Variants in EWSR1 observed in about 807,000 individuals in gnomAD.
EWSR1 encodes RNA-binding protein EWS.
Under a neutral mutation model 92.1 loss-of-function variants are expected in EWSR1, and 14 were observed. The observed-to-expected ratio is 0.15, with a 90% CI of 0.10 to 0.24. The LOEUF is 0.24. EWSR1 is among the 10% of genes least tolerant of loss of function. The pLI, the probability that EWSR1 is intolerant of heterozygous loss-of-function variation, is 1.00. For synonymous variants in EWSR1, 303 were observed against 292.9 expected (o/e 1.03, Z -0.35); for missense variants, 637 against 870.9 (o/e 0.73, Z 3.38).
chr22:29,293,958 ACCTCTGCCTCCCGGGTCTCCTTG>A (rs990653306), intron 11 of EWSR1, among the ~76,000 whole-genome samples: 60 of 150,782 alleles, frequency 4.0e-4, no homozygotes, highest in African/African-American at 1.3e-3. Context: ...GTTTACTGTA[ACCTCTGCCTCCCGGGTCTCCTTG>A]CCTCAGCCTC....
chr22:29,298,585 G>C (rs1303343357), intron 13 of EWSR1, 148 bp from the exon 14 acceptor site: 2 of 908,396 alleles, frequency 2.2e-6, no homozygotes, highest in African/African-American at 3.3e-5. Flanking sequence ...GAAGGGGGCT[G>C]ATGGCCTGAG....
In EWSR1 at chr22:29,300,474, T is replaced by G; in HGVS notation, c.*313T>G. 1 of 275,664 alleles carries G rather than the reference T, an allele frequency of 3.6e-6. No individual in the cohort carries two copies. The allele number at this position is 275,664 out of a possible 1,614,324, so 17.1% of individuals were successfully genotyped here. A position where few individuals can be genotyped will look rare whatever the true frequency, so the allele number is the denominator to read the frequency against. On this transcript the variant is annotated 3_prime_UTR_variant, in exon 17 of 17. Coordinates refer to ENST00000397938, the MANE Select transcript of EWSR1 (RefSeq NM_005243.4). ...TTAACTGTAACAATGTTCATGGTTGTGATGTTTTTTTTTTTTTTTTAAATA... is the reference window on the plus strand; with the variant it reads ...TTAACTGTAACAATGTTCATGGTTGGGATGTTTTTTTTTTTTTTTTAAATA...
chr22:29,277,903 G>A (rs2059243798), intron 4 of EWSR1, 127 bp from the exon 5 acceptor site: 1 of 752,250 alleles, frequency 1.3e-6, no homozygotes, highest in Non-Finnish European at 2.1e-6. Flanking sequence ...TGCGGAAGGG[G>A]GAATATTTAA....
intron 5 of EWSR1, among the ~76,000 whole-genome samples, chr22:29,278,971 G>A (rs2059344404): frequency 6.6e-6 from 1 of 151,944 alleles, no homozygotes; most frequent in African/African-American, 2.4e-5. Flanking sequence ...CTCTAGCCTG[G>A]GCGACAGAGG....
intron 5 of EWSR1, among the ~76,000 whole-genome samples, chr22:29,278,504 TG>T (rs56051811): frequency 1 from 151,491 of 151,570 alleles, 75,706 homozygotes; most frequent in Middle Eastern, 1. Context: ...CTGGCCAACA[TG>T]GGTGAAACCC....
At chr22:29,290,169 G>C (rs2060342964) in intron 8 of EWSR1, 6 of 384,646 alleles carry the variant, frequency 1.6e-5, no homozygotes, top group Non-Finnish European at 2.8e-5. Context: ...AGAGACCATG[G>C]CTTTCCCCAT....
intron 12 of EWSR1, 36 bp from the exon 13 acceptor site, chr22:29,297,791 C>G: frequency 1.2e-6 from 2 of 1,611,534 alleles, no homozygotes; most frequent in Non-Finnish European, 1.7e-6. Flanking sequence ...ACAGGGAGTA[C>G]AGGGGAGTAA....
At chr22:29,268,885 C>T (rs955889696) in intron 1 of EWSR1, among the ~76,000 whole-genome samples, 4 of 152,232 alleles carry the variant, frequency 2.6e-5, no homozygotes, top group Non-Finnish European at 5.9e-5. Context: ...ATCCTTAAGA[C>T]CCAGTCGGCT....
chr22:29,272,263 CT>C lies in EWSR1; in HGVS notation c.50+15del, dbSNP rs776845481. 1.2e-5 allele frequency: 20 copies of C among 1,613,802 alleles called. No individual in the cohort carries two copies. Among genetic ancestry groups the C allele is most frequent in the Non-Finnish European group, 1.7e-5 (20 of 1,179,864 alleles). On this transcript the variant is annotated intron_variant, in intron 2 of 16. Transcript: ENST00000397938. The stretch of plus-strand genomic sequence containing the variant: ...TGCAGCGCAGCAGGGGTAAGTCAGT[CT>C]TTTATAACCGTATTTTGTGTGTGAT...
chr22:29,268,654 G>T (rs1485009647), intron 1 of EWSR1, among the ~76,000 whole-genome samples: 1 of 152,166 alleles, frequency 6.6e-6, no homozygotes, highest in Non-Finnish European at 1.5e-5. Context: ...CTCCCGCCAC[G>T]TGGGCGGGGC....
intron 5 of EWSR1, among the ~76,000 whole-genome samples, chr22:29,278,513 C>G (rs914754540): frequency 6.6e-6 from 1 of 152,082 alleles, no homozygotes; most frequent in Admixed American, 6.5e-5. Context: ...ATGGGTGAAA[C>G]CCCGTCTCTA....
intron 4 of EWSR1, chr22:29,276,041 A>G (rs1357483749): frequency 4.3e-6 from 1 of 231,360 alleles, no homozygotes; most frequent in Non-Finnish European, 8.5e-6. Flanking sequence ...TTATTAACCC[A>G]GTGTCTATTG....
At chr22:29,272,326 G>GA in intron 2 of EWSR1, 54 bp from the exon 3 acceptor site, 3 of 1,610,334 alleles carry the variant, frequency 1.9e-6, no homozygotes. Context: ...TATAATTGTA[G>GA]AGGTGGTATT....
intron 3 of EWSR1, among the ~76,000 whole-genome samples, chr22:29,272,854 G>C (rs1472172433): frequency 1.3e-5 from 2 of 152,156 alleles, no homozygotes; most frequent in Admixed American, 1.3e-4. Flanking sequence ...CTAAAAACTG[G>C]CGACCTAGCC....
Position 29,296,003 on chromosome 22 carries a change from A to G in EWSR1, c.1165-236A>G, listed in dbSNP as rs2060829922. Reference sequence around the variant, plus strand: ...ACCAGCATCAGAAGATGGCTAAGGCAGGAGTGGGGCCTATCCTGTTCACTT... The same window carrying G: ...ACCAGCATCAGAAGATGGCTAAGGCGGGAGTGGGGCCTATCCTGTTCACTT... On this transcript the variant is annotated intron_variant, in intron 11 of 16. Transcript: ENST00000397938. 9 of 397,076 alleles carry G rather than the reference A, an allele frequency of 2.3e-5. No individual in the cohort carries two copies. The South Asian group carries it at 2.9e-4, about 13-fold the overall frequency. The allele number at this position is 397,076 out of a possible 1,614,324, so 24.6% of individuals were successfully genotyped here. A position where few individuals can be genotyped will look rare whatever the true frequency, so the allele number is the denominator to read the frequency against.
chr22:29,295,536 A>G (rs1480710767), intron 11 of EWSR1: 1 of 218,632 alleles, frequency 4.6e-6, no homozygotes, highest in Non-Finnish European at 9.2e-6. Context: ...GTTTTTAGGT[A>G]TCACGTTCCT....
intron 1 of EWSR1, 85 bp from the exon 2 acceptor site, chr22:29,272,131 C>G (rs1043816626): frequency 1.2e-4 from 153 of 1,249,434 alleles, no homozygotes; most frequent in Non-Finnish European, 1.7e-4. Context: ...AGAATTCTTC[C>G]TGCCACGTGA....
At chr22:29,296,545 T>G (rs993876135) in intron 12 of EWSR1, among the ~76,000 whole-genome samples, 177 bp downstream of exon 12, 1 of 152,226 alleles carries the variant, frequency 6.6e-6, no homozygotes, top group Non-Finnish European at 1.5e-5. Context: ...GGAGATCCCT[T>G]TATTTTGAGG....
At chr22:29,297,506 A>AGTG (rs778249654) in intron 12 of EWSR1, among the ~76,000 whole-genome samples, 23 of 152,268 alleles carry the variant, frequency 1.5e-4, no homozygotes, top group Non-Finnish European at 2.6e-4. Context: ...AGCCTGGGCA[A>AGTG]CCTAGTGAGA....
Sources: gnomAD v4.1 joint callset for allele counts (sites outside exome capture counted in the v4.1 genomes callset) on GRCh38, gnomAD v4.1.1 for gene constraint, MANE v1.5 for transcripts, NCBI Gene and HGNC (gene_info 2026-07-23, HGNC 2026-07-21) for gene names.